ZSCAN25: variants seen among roughly 807,000 people sequenced by gnomAD.
ZSCAN25 encodes zinc finger and SCAN domain-containing protein 25.
Under a neutral mutation model 38.7 loss-of-function variants are expected in ZSCAN25, and 27 were observed. The ratio of observed to expected loss-of-function variants is 0.70; its 90% CI spans 0.51 to 0.96. The LOEUF (loss-of-function observed/expected upper bound fraction) is 0.96. Among genes scored for constraint, ZSCAN25 ranks in the 40% least tolerant of loss-of-function variants. ZSCAN25 has a pLI of 0.00. For synonymous variants in ZSCAN25, 273 were observed against 277.7 expected (o/e 0.98, Z 0.17); for missense variants, 637 against 705.9 (o/e 0.90, Z 1.11).
the ZSCAN25 span, among the ~76,000 whole-genome samples, chr7:99,706,168 T>C: frequency 6.6e-6 from 1 of 152,210 alleles, no homozygotes; most frequent in Non-Finnish European, 1.5e-5. Flanking sequence ...GTAGTGCAAG[T>C]GGGGAACCTC....
chr7:99,646,233 T>C, the ZSCAN25 span, among the ~76,000 whole-genome samples: 4 of 152,386 alleles, frequency 2.6e-5, no homozygotes, highest in East Asian at 7.7e-4. Flanking sequence ...TATTGATTCT[T>C]GAAATATATA....
At chr7:99,646,615 C>T in the ZSCAN25 span, among the ~76,000 whole-genome samples, 1 of 152,106 alleles carries the variant, frequency 6.6e-6, no homozygotes, top group Non-Finnish European at 1.5e-5. Context: ...AAAAAGTGTC[C>T]TGGGCTCATC....
chr7:99,648,161 A>G, the ZSCAN25 span: 2 of 1,405,082 alleles, frequency 1.4e-6, no homozygotes, highest in African/African-American at 1.4e-5. Flanking sequence ...GGAGAGCTCA[A>G]TGAATGTACA....
the ZSCAN25 span, among the ~76,000 whole-genome samples, chr7:99,649,147 G>A: frequency 6.6e-6 from 1 of 152,128 alleles, no homozygotes; most frequent in African/African-American, 2.4e-5. Context: ...CTGAGAGCTT[G>A]CCAGGGAATA....
At chr7:99,714,335 A>G in the ZSCAN25 span, among the ~76,000 whole-genome samples, 18 of 152,154 alleles carry the variant, frequency 1.2e-4, no homozygotes, top group African/African-American at 4.1e-4. Context: ...CTTGTGCCTG[A>G]TATCAAATTT....
the ZSCAN25 span, chr7:99,722,203 G>T: frequency 1.3e-6 from 2 of 1,515,822 alleles, no homozygotes; most frequent in Non-Finnish European, 1.8e-6. Flanking sequence ...GAGCTTCATC[G>T]CAAGAGGCTC....
chr7:99,638,696 C>T, the ZSCAN25 span: 1 of 1,461,050 alleles, frequency 6.8e-7, no homozygotes, highest in Admixed American at 1.7e-5. Context: ...GTCTTGCCGG[C>T]CGCATCCAGG....
At chr7:99,626,266 G>C (rs932427580) in intron 7 of ZSCAN25, among the ~76,000 whole-genome samples, 13 of 152,202 alleles carry the variant, frequency 8.5e-5, no homozygotes, top group African/African-American at 3.1e-4. Flanking sequence ...AGTGAAAGAT[G>C]AGTGCTCAGA....
chr7:99,691,460 T>C, the ZSCAN25 span, among the ~76,000 whole-genome samples: 1 of 152,094 alleles, frequency 6.6e-6, no homozygotes, highest in Non-Finnish European at 1.5e-5. Flanking sequence ...AAATAAACCT[T>C]CTGTCTCATT....
chr7:99,716,034 C>A, the ZSCAN25 span: 1 of 1,563,714 alleles, frequency 6.4e-7, no homozygotes, highest in Non-Finnish European at 8.7e-7. Flanking sequence ...GAACTATTTA[C>A]TGGAGCATCT....
chr7:99,638,750 A>G, the ZSCAN25 span: 37 of 1,131,228 alleles, frequency 3.3e-5, no homozygotes, highest in Non-Finnish European at 4.6e-5. Context: ...AAGATTTTGC[A>G]TAGCACTTTC....
the ZSCAN25 span, among the ~76,000 whole-genome samples, chr7:99,729,379 T>C: frequency 1.3e-5 from 2 of 152,152 alleles, no homozygotes; most frequent in East Asian, 3.9e-4. Context: ...ACATGGCCCA[T>C]AATCCCGCTT....
rs1807933403 is a variant in ZSCAN25, at chr7:99,630,731, C to G, written c.*711C>G. The G allele has an allele frequency of 8.1e-6, 8 of 985,462 alleles. No homozygotes were observed. Among genetic ancestry groups the G allele is most frequent in the Non-Finnish European group, 9.6e-6 (8 of 829,956 alleles). 61.0% of individuals were successfully genotyped at this position (985,462 alleles called of 1,614,324 possible). On this transcript the variant is annotated 3_prime_UTR_variant, in exon 8 of 8. Coordinates refer to ENST00000394152, the MANE Select transcript of ZSCAN25 (RefSeq NM_145115.3). ...CTCATCTGTGTCAGGCTATAACATT[C>G]TATCCTCATCTGTAAAACTTCCCCG...
the ZSCAN25 span, chr7:99,707,873 A>G: frequency 6.2e-7 from 1 of 1,614,040 alleles, no homozygotes; most frequent in Non-Finnish European, 8.5e-7. Context: ...AGCAAGTTTC[A>G]TGTTCACGAG....
In ZSCAN25 at chr7:99,619,735, G is replaced by T. The variant is rs761693611; in HGVS notation, c.129G>T (p.Leu43=). ...ACCCTAGTCCAGAGACTTTTCGGCT[G>T]AGGTTTCGGCAGTTCCGCTACCAGG... ...REDPSPETFR[L]RFRQFRYQEA... Residue 43 remains leucine (L), a synonymous_variant, in exon 4 of 8, where the codon CTG becomes CTT. Transcript: ENST00000394152. 1.2e-6 allele frequency: 2 copies of T among 1,614,272 alleles called. No individual in the cohort carries two copies. Among genetic ancestry groups the T allele is most frequent in the South Asian group, 2.2e-5 (2 of 91,090 alleles).
Position 99,629,210 on chromosome 7 carries a change from G to T in ZSCAN25, c.825G>T (p.Lys275Asn), listed in dbSNP as rs201962123. 3.7e-6 allele frequency: 6 copies of T among 1,610,906 alleles called. No homozygotes were observed. In the East Asian group the frequency reaches 1.3e-4, roughly 36 times the overall value. Residue 275 changes from lysine (K) to asparagine (N), a missense_variant, in exon 8 of 8, where the codon AAG (lysine) becomes AAT (asparagine). Coordinates refer to ENST00000394152, the MANE Select transcript of ZSCAN25 (RefSeq NM_145115.3). This position sits in a 1 kb window ranked among gnomAD's most constrained non-coding sequence, Gnocchi z 5.6. ...RVSPGGGSKE[K>N]EAKPPQEDLK... Reference sequence around the variant, plus strand: ...CTGTAGGCGGTGGGAGCAAGGAAAAGGAGGCAAAACCCCCACAGGAAGACC... The same window carrying T: ...CTGTAGGCGGTGGGAGCAAGGAAAATGAGGCAAAACCCCCACAGGAAGACC...
At chr7:99,650,428 C>A in the ZSCAN25 span, among the ~76,000 whole-genome samples, 1 of 152,186 alleles carries the variant, frequency 6.6e-6, no homozygotes. Context: ...CCTTTAAATT[C>A]TCCATACCCT....
At chr7:99,705,048 A>G in the ZSCAN25 span, 1 of 161,722 alleles carries the variant, frequency 6.2e-6, no homozygotes, top group East Asian at 1.7e-4. Flanking sequence ...ACTTTTGTAA[A>G]GAGGTTTTTA....
At chr7:99,731,208 G>T in the ZSCAN25 span, 3 of 1,599,226 alleles carry the variant, frequency 1.9e-6, no homozygotes, top group African/African-American at 4.0e-5. Context: ...AGATATAGGG[G>T]CTGGTGAGTC....
Sources: gnomAD v4.1 joint callset for allele counts (sites outside exome capture counted in the v4.1 genomes callset) on GRCh38, gnomAD v4.1.1 for gene constraint, Gnocchi (gnomAD v3.1) non-coding constraint, MANE v1.5 for transcripts, NCBI Gene and HGNC (gene_info 2026-07-23, HGNC 2026-07-21) for gene names.